The following CHAF1B variants were observed in gnomAD, a reference collection of about 807,000 sequenced individuals.
The protein encoded by CHAF1B is chromatin assembly factor 1 subunit B.
CHAF1B carries 10 observed loss-of-function variants against 60.7 expected under a neutral mutation model. The observed-to-expected ratio is 0.16, with a 90% CI of 0.10 to 0.28. CHAF1B has a LOEUF of 0.28. Among genes scored for constraint, CHAF1B ranks in the 10% least tolerant of loss-of-function variants. CHAF1B has a pLI of 1.00. For missense variants in CHAF1B, 558 were observed against 708.4 expected, an observed-to-expected ratio of 0.79 and a Z score of 2.41; for synonymous variants, 261 against 266.1, an observed-to-expected ratio of 0.98 and a Z score of 0.19.
intron 9 of CHAF1B, 105 bp downstream of exon 9, chr21:36,408,935 A>G: frequency 1.4e-6 from 1 of 735,116 alleles, no homozygotes; most frequent in Non-Finnish European, 2.3e-6. Context: ...GCTCACTGCA[A>G]CCTCTGCCTC....
intron 3 of CHAF1B, among the ~76,000 whole-genome samples, chr21:36,389,487 T>G (rs1029938150): frequency 1.3e-5 from 2 of 151,154 alleles, no homozygotes; most frequent in African/African-American, 4.9e-5. Flanking sequence ...GCTCCTATAA[T>G]CCTAGCTACT....
intron 8 of CHAF1B, among the ~76,000 whole-genome samples, chr21:36,406,430 C>T (rs1292191325): frequency 6.6e-6 from 1 of 152,094 alleles, no homozygotes; most frequent in Admixed American, 6.6e-5. Context: ...GGATTACAGG[C>T]GCCGGCCACC....
At chr21:36,392,349 T>C (rs1308422809) in intron 4 of CHAF1B, among the ~76,000 whole-genome samples, 1 of 152,246 alleles carries the variant, frequency 6.6e-6, no homozygotes, top group African/African-American at 2.4e-5. Context: ...AGCAACAATC[T>C]GATTTCTCTA....
chr21:36,394,581 G>C lies in CHAF1B; in HGVS notation c.412G>C (p.Ala138Pro). The change falls in exon 5 of 14, where the codon GCA (alanine) becomes CCA (proline). Residue 138 changes from alanine to proline, a missense_variant. Physicochemically the swap from Ala to Pro is conservative, Grantham distance 27. This residue lies in a region of CHAF1B where 325 missense variants were observed against 493.5 expected (regional missense o/e 0.66). Coordinates refer to ENST00000314103, the MANE Select transcript of CHAF1B (RefSeq NM_005441.3). ...HLEDVYDICW[A>P]TDGNLMASAS... Reference sequence around the variant, plus strand: ...AGAAGATGTGTATGATATTTGCTGGGCAACTGATGGGAATTTAATGGCTTC... The same window carrying C: ...AGAAGATGTGTATGATATTTGCTGGCCAACTGATGGGAATTTAATGGCTTC... 1 of 1,613,728 alleles carries C rather than the reference G, an allele frequency of 6.2e-7. No individual in the cohort carries two copies.
At chr21:36,391,790 G>C in intron 4 of CHAF1B, 122 bp downstream of exon 4, 1 of 604,728 alleles carries the variant, frequency 1.7e-6, no homozygotes. Context: ...CCAGGCTGGA[G>C]TGCTGTACTG....
intron 6 of CHAF1B, among the ~76,000 whole-genome samples, chr21:36,398,677 C>T (rs2086162758): frequency 6.6e-6 from 1 of 152,028 alleles, no homozygotes. Flanking sequence ...TTTAATGACT[C>T]CATTTAAATG....
intron 3 of CHAF1B, among the ~76,000 whole-genome samples, chr21:36,388,620 C>T (rs546006231): frequency 6.6e-6 from 1 of 152,128 alleles, no homozygotes; most frequent in African/African-American, 2.4e-5. Flanking sequence ...GCGCCTGCCA[C>T]CACCCCCGGC....
In CHAF1B at chr21:36,397,410, T is replaced by C. The variant is rs1283522693; in HGVS notation, c.482-5T>C. 1.3e-6 allele frequency: 2 copies of C among 1,503,752 alleles called. No individual in the cohort carries two copies. The highest frequency in any genetic ancestry group is 1.9e-5 in the Admixed American group (1 of 52,906). 93.2% of individuals were successfully genotyped at this position (1,503,752 alleles called of 1,614,324 possible). On this transcript the variant is annotated splice_polypyrimidine_tract_variant and splice_region_variant and intron_variant, in intron 5 of 13. Transcript: ENST00000314103. ...TTGGTGCGTGTGTGTGTGTTTTTTT[T>C]GTAGGACAAAAGATATCAATTTTTA...
chr21:36,388,499 C>CA (rs1330710781), intron 3 of CHAF1B, among the ~76,000 whole-genome samples: 1 of 138,214 alleles, frequency 7.2e-6, no homozygotes, highest in Non-Finnish European at 1.5e-5. Flanking sequence ...GAGACAGTCT[C>CA]ACTGTTATCT....
chr21:36,412,170 G>A (rs1157311709), intron 11 of CHAF1B, among the ~76,000 whole-genome samples: 1 of 152,204 alleles, frequency 6.6e-6, no homozygotes, highest in East Asian at 1.9e-4. Flanking sequence ...GATAAACTGA[G>A]GGGAGGCCTT....
At chr21:36,394,730 CTTTTTTTTT>C (rs370521957) in intron 5 of CHAF1B, 80 bp downstream of exon 5, 21 of 539,206 alleles carry the variant, frequency 3.9e-5, no homozygotes, top group Non-Finnish European at 6.4e-5. Flanking sequence ...CTTGCTTTAA[CTTTTTTTTT>C]TTTTTTTTTT....
chr21:36,415,692 G>A (rs1193545483), intron 13 of CHAF1B: 2 of 469,242 alleles, frequency 4.3e-6, no homozygotes, highest in Non-Finnish European at 3.9e-6. Context: ...GGACTGTCCT[G>A]TGTATTATGC....
chr21:36,404,865 T>C (rs1299316443), intron 8 of CHAF1B, among the ~76,000 whole-genome samples: 1 of 149,818 alleles, frequency 6.7e-6, no homozygotes, highest in Non-Finnish European at 1.5e-5. Context: ...TGCCTCAGCC[T>C]CCTGAGTAGC....
chr21:36,388,250 C>G (rs79681142), intron 3 of CHAF1B, among the ~76,000 whole-genome samples: 4,676 of 152,206 alleles, frequency 0.031, 102 homozygotes, highest in Admixed American at 0.047. Flanking sequence ...ACCAGGAACA[C>G]CTGTTTGAAA....
chr21:36,394,495 C>A, intron 4 of CHAF1B, 52 bp from the exon 5 acceptor site: 1 of 1,284,682 alleles, frequency 7.8e-7, no homozygotes, highest in Non-Finnish European at 1.1e-6. Context: ...CAGGGGTAAG[C>A]TGCTATACCT....
intron 5 of CHAF1B, 56 bp from the exon 6 acceptor site, chr21:36,397,359 C>A: frequency 5.9e-6 from 5 of 845,356 alleles, no homozygotes; most frequent in Admixed American, 2.4e-5. Context: ...ACTATTTGGG[C>A]TCAAACAGGT....
intron 6 of CHAF1B, among the ~76,000 whole-genome samples, 176 bp from the exon 7 acceptor site, chr21:36,399,345 C>G (rs899021512): frequency 6.6e-6 from 1 of 151,876 alleles, no homozygotes; most frequent in African/African-American, 2.4e-5. Context: ...CTGTAATATC[C>G]TTTAGGTTGT....
At chr21:36,393,693 A>T (rs2086112630) in intron 4 of CHAF1B, among the ~76,000 whole-genome samples, 1 of 152,068 alleles carries the variant, frequency 6.6e-6, no homozygotes, top group Admixed American at 6.6e-5. Flanking sequence ...ACCTCAGGTG[A>T]TCCGCCCACC....
chr21:36,385,869 C>A (rs1251210576), intron 1 of CHAF1B, among the ~76,000 whole-genome samples, 191 bp from the exon 2 acceptor site: 2 of 152,156 alleles, frequency 1.3e-5, no homozygotes, highest in African/African-American at 2.4e-5. Context: ...CTGGATGTAG[C>A]GGCGTATCAT....
Sources: gnomAD v4.1 joint callset for allele counts (sites outside exome capture counted in the v4.1 genomes callset) on GRCh38, gnomAD v4.1.1 for gene constraint, gnomAD v4.1.1 regional missense constraint, MANE v1.5 for transcripts, NCBI Gene and HGNC (gene_info 2026-07-23, HGNC 2026-07-21) for gene names.